The following RAB33A variants were observed in gnomAD, a reference collection of about 807,000 sequenced individuals.
The protein encoded by RAB33A is RAB33A, member RAS oncogene family, also known as ras-related protein Rab-33A.
Under a neutral mutation model 12.0 loss-of-function variants are expected in RAB33A, and 6 were observed. That is an observed-to-expected ratio of 0.50 (90% CI 0.27 to 0.99). The LOEUF is 0.99. RAB33A is among the 50% of genes least tolerant of loss of function. The probability of loss-of-function intolerance (pLI) is 0.11; values close to 1 mark genes in which losing one functional copy is unlikely to be tolerated. For synonymous variants in RAB33A, 70 were observed against 82.4 expected (o/e 0.85, Z 0.81); for missense variants, 109 against 192.0 (o/e 0.57, Z 2.55).
Position 130,184,782 on chromosome X carries a change from T to A in RAB33A, c.*42T>A, listed in dbSNP as rs763786564. The A allele has an allele frequency of 1.1e-5, 12 of 1,128,183 alleles. No homozygotes were observed. In the South Asian group the frequency reaches 2.2e-4, roughly 21 times the overall value. 93.0% of individuals were successfully genotyped at this position (1,128,183 alleles called of 1,213,427 possible). A position where few individuals can be genotyped will look rare whatever the true frequency, so the allele number is the denominator to read the frequency against. ...TACAAGATAAATTATCACTGGAGTT[T>A]TTTCTTTCCCTTTTTTCTGTGCCTG... On this transcript the variant is annotated 3_prime_UTR_variant, in exon 2 of 2. Transcript: ENST00000257017.
chrX:130,158,119 C>T, the RAB33A span, among the ~76,000 whole-genome samples: 1 of 100,553 alleles, frequency 9.9e-6, no homozygotes, highest in Non-Finnish European at 2.0e-5. Context: ...AAAAAATTAG[C>T]CGGGCGTGGT....
At chrX:130,131,789 C>T in the RAB33A span, 1 of 1,211,477 alleles carries the variant, frequency 8.3e-7, no homozygotes, top group Non-Finnish European at 1.1e-6. Context: ...ACATCGGGGC[C>T]CAAATCACTC....
chrX:130,163,301 C>T, the RAB33A span, among the ~76,000 whole-genome samples: 48,019 of 93,854 alleles, frequency 0.51, 11,537 homozygotes, highest in African/African-American at 0.81. Flanking sequence ...CGAGACTCCG[C>T]CTCAAAAAAA....
the RAB33A span, chrX:130,147,960 C>T: frequency 8.8e-7 from 1 of 1,133,009 alleles, no homozygotes; most frequent in Admixed American, 2.2e-5. Context: ...TCACCTTGCA[C>T]TTGTCTCAAT....
At chrX:130,113,819 G>T in the RAB33A span, among the ~76,000 whole-genome samples, 1 of 111,675 alleles carries the variant, frequency 9.0e-6, no homozygotes, top group Non-Finnish European at 1.9e-5. Flanking sequence ...CTATATTTTT[G>T]TACCCATTAA....
chrX:130,140,681 G>A, the RAB33A span: 1 of 861,258 alleles, frequency 1.2e-6, no homozygotes, highest in East Asian at 3.1e-5. Flanking sequence ...AAGTTTTATT[G>A]AGATATAATT....
chrX:130,184,157 G>A (rs1285940255), intron 1 of RAB33A, 128 bp from the exon 2 acceptor site: 6 of 602,623 alleles, frequency 1.0e-5, no homozygotes, highest in Non-Finnish European at 1.3e-5. Context: ...CCAAAGTGCT[G>A]GGATTATAGG....
upstream of RAB33A, among the ~76,000 whole-genome samples, chrX:130,171,260 C>T (rs762622229): frequency 1.3e-4 from 15 of 112,763 alleles, no homozygotes; most frequent in East Asian, 2.8e-3. Context: ...GCGAGTGCAC[C>T]TGCTCACTCA....
chrX:130,158,118 G>T, the RAB33A span, among the ~76,000 whole-genome samples: 1 of 108,147 alleles, frequency 9.2e-6, no homozygotes, highest in Non-Finnish European at 1.9e-5. Context: ...CAAAAAATTA[G>T]CCGGGCGTGG....
chrX:130,129,578 T>C, the RAB33A span: 6 of 1,209,192 alleles, frequency 5.0e-6, no homozygotes, highest in East Asian at 3.0e-5. Flanking sequence ...GAATGTTGAA[T>C]AGTTTGGCTA....
At chrX:130,111,917 T>A in the RAB33A span, among the ~76,000 whole-genome samples, 1 of 111,615 alleles carries the variant, frequency 9.0e-6, no homozygotes, top group African/African-American at 3.3e-5. Context: ...TAGTTCCACG[T>A]GGCCTTTTTG....
chrX:130,128,608 A>T, the RAB33A span, among the ~76,000 whole-genome samples: 4 of 112,460 alleles, frequency 3.6e-5, no homozygotes, highest in Non-Finnish European at 7.5e-5. Flanking sequence ...TTTAAAAGTT[A>T]AGCAATCTAA....
Position 130,171,987 on chromosome X carries a change from C to G in RAB33A, c.-76C>G. The G allele has an allele frequency of 9.4e-7, 1 of 1,068,371 alleles. No homozygotes were observed. The highest frequency in any genetic ancestry group is 2.2e-5 in the South Asian group (1 of 44,846). The allele number at this position is 1,068,371 out of a possible 1,213,427, so 88.0% of individuals were successfully genotyped here. A position where few individuals can be genotyped will look rare whatever the true frequency, so the allele number is the denominator to read the frequency against. Reference sequence around the variant, plus strand: ...ACACACGCACAGAGCTCGCTCGCCTCGAGCGCACGAACGTGGACGTTCTCT... The same window carrying G: ...ACACACGCACAGAGCTCGCTCGCCTGGAGCGCACGAACGTGGACGTTCTCT... On this transcript the variant is annotated 5_prime_UTR_variant, in exon 1 of 2. Coordinates refer to ENST00000257017, the MANE Select transcript of RAB33A (RefSeq NM_004794.3).
the RAB33A span, among the ~76,000 whole-genome samples, chrX:130,128,300 C>T: frequency 4.5e-5 from 5 of 111,670 alleles, no homozygotes; most frequent in East Asian, 8.4e-4. Flanking sequence ...AGGCCGGGCG[C>T]GGTGACTCAC....
chrX:130,171,635 G>T, upstream of RAB33A: 1 of 143,064 alleles, frequency 7.0e-6, no homozygotes, highest in East Asian at 2.0e-4. Flanking sequence ...CTTTCCTCCT[G>T]AGGCTTCTTC....
chrX:130,177,388 A>G (rs1396798053), intron 1 of RAB33A, among the ~76,000 whole-genome samples: 1 of 112,493 alleles, frequency 8.9e-6, no homozygotes, highest in Non-Finnish European at 1.9e-5. Context: ...CCCAGCAACC[A>G]TAGGAGGATC....
the RAB33A span, chrX:130,133,308 A>G: frequency 3.3e-5 from 40 of 1,211,047 alleles, no homozygotes; most frequent in Non-Finnish European, 4.5e-5. Context: ...GCACACCACT[A>G]TTACCAGAAC....
chrX:130,115,090 C>T, the RAB33A span, among the ~76,000 whole-genome samples: 5 of 111,507 alleles, frequency 4.5e-5, no homozygotes, highest in Admixed American at 2.9e-4. Context: ...AAACATGAGC[C>T]GCCATGCCTG....
At chrX:130,152,373 A>C in the RAB33A span, among the ~76,000 whole-genome samples, 1 of 111,454 alleles carries the variant, frequency 9.0e-6, no homozygotes, top group Non-Finnish European at 1.9e-5. Flanking sequence ...AAATGTATTT[A>C]TTTCTTTACC....
Sources: gnomAD v4.1 joint callset for allele counts (sites outside exome capture counted in the v4.1 genomes callset) on GRCh38, gnomAD v4.1.1 for gene constraint, MANE v1.5 for transcripts, NCBI Gene and HGNC (gene_info 2026-07-23, HGNC 2026-07-21) for gene names.